Variants in DMD observed in about 807,000 individuals in gnomAD.
DMD encodes dystrophin.
In DMD, 63 loss-of-function variants were observed where a neutral mutation model predicts 330.1. That is an observed-to-expected ratio of 0.19 (90% CI 0.16 to 0.24). DMD has a LOEUF of 0.24. Ranked by LOEUF, DMD falls within the 10% of genes least tolerant of loss-of-function variation. The pLI, the probability that DMD is intolerant of heterozygous loss-of-function variation, is 1.00. For synonymous variants in DMD, 1,223 were observed against 959.8 expected (o/e 1.27, Z -5.07); for missense variants, 3,344 against 2,684.1 (o/e 1.25, Z -5.43).
intron 44 of DMD, among the ~76,000 whole-genome samples, chrX:32,027,820 T>C (rs1442966490): frequency 8.9e-6 from 1 of 112,544 alleles, no homozygotes; most frequent in Non-Finnish European, 1.9e-5. Context: ...AAAGAGCACA[T>C]CAGACCATTC....
intron 42 of DMD, among the ~76,000 whole-genome samples, chrX:32,290,460 A>G (rs927717598): frequency 8.9e-6 from 1 of 112,571 alleles, no homozygotes; most frequent in Non-Finnish European, 1.9e-5. Flanking sequence ...TGTTGAATAA[A>G]TGAATAGATG....
At chrX:31,734,852 A>G (rs1317124678) in intron 51 of DMD, among the ~76,000 whole-genome samples, 2 of 112,013 alleles carry the variant, frequency 1.8e-5, no homozygotes, top group African/African-American at 6.5e-5. Flanking sequence ...TTCTGAAGGA[A>G]TCAAGCTTAA....
At position 32,394,926 on chromosome X, in the gene DMD, A is replaced by AAAACAAAC. The variant is rs1557326887; in HGVS notation, c.4234-4746_4234-4745insGTTTGTTT. On this transcript the variant is annotated intron_variant, in intron 30 of 78. Transcript: ENST00000357033. ...CAAAAAACAAAAAAACAAAAAAAAA[A>AAAACAAAC]AAAAAAAGAAAAGAAATCATCATCA... Among the ~76,000 whole-genome samples, 450 of 101,372 alleles carry AAAACAAAC rather than the reference A, an allele frequency of 4.4e-3. 5 individuals carry two copies. Among genetic ancestry groups the AAAACAAAC allele is most frequent in the African/African-American group, 0.015 (423 of 28,518 alleles). The allele number at this position is 101,372 out of a possible 115,157, so 88.0% of individuals were successfully genotyped here.
At chrX:31,343,616 TGTGAGA>T (rs774494906) in intron 61 of DMD, among the ~76,000 whole-genome samples, 271 of 92,084 alleles carry the variant, frequency 2.9e-3, no homozygotes, top group Admixed American at 4.8e-3. Context: ...TGTGTGTGTG[TGTGAGA>T]GAGAGAGAGA....
rs200206961 is a variant in DMD, at chrX:33,230,965, A to AT, written c.7+108293_7+108294insA. Reference sequence around the variant, plus strand: ...GTTAGGAACATAATAGCCAAAAAAAAAAAAAAATAAATAACAGTTGGAATC... The same window carrying AT: ...GTTAGGAACATAATAGCCAAAAAAAATAAAAAAATAAATAACAGTTGGAATC... On this transcript the variant is annotated intron_variant, in intron 1 of 17. Transcript: ENST00000288447. 7.9e-3 allele frequency among the ~76,000 whole-genome samples: 821 copies of AT among 104,121 alleles called. 10 individuals are homozygous for AT. The highest frequency in any genetic ancestry group is 0.032 in the African/African-American group (785 of 24,247). The allele number at this position is 104,121 out of a possible 115,157, so 90.4% of individuals were successfully genotyped here.
chrX:33,182,949 A>G (rs569209354), intron 1 of DMD, among the ~76,000 whole-genome samples: 3 of 112,232 alleles, frequency 2.7e-5, no homozygotes, highest in East Asian at 5.6e-4. Context: ...AAAATTAAGA[A>G]TGAGTTTTTC....
chrX:33,272,453 A>T (rs113056553), intron 1 of DMD, among the ~76,000 whole-genome samples: 3,504 of 111,970 alleles, frequency 0.031, 130 homozygotes, highest in African/African-American at 0.11. Context: ...TAAAGAACAA[A>T]AAGGACGAAA....
In DMD at chrX:31,369,135, T is replaced by C. The variant is rs553823367; in HGVS notation, c.9085-20501A>G. On this transcript the variant is annotated intron_variant, in intron 60 of 78. Transcript: ENST00000357033. ...TATTTAAGACCCTCTTTGTCATCAATAAATGTTCATGGAAATTCAGGCACT... is the reference window on the plus strand; with the variant it reads ...TATTTAAGACCCTCTTTGTCATCAACAAATGTTCATGGAAATTCAGGCACT... Among the ~76,000 whole-genome samples, 114 of 112,538 alleles carry C rather than the reference T, an allele frequency of 1.0e-3. 2 individuals are homozygous for C. Among genetic ancestry groups the C allele is most frequent in the African/African-American group, 3.5e-3 (108 of 30,999 alleles).
At chrX:31,386,482 CTTCCCCTT>C (rs2060452410) in intron 60 of DMD, among the ~76,000 whole-genome samples, 2 of 111,920 alleles carry the variant, frequency 1.8e-5, no homozygotes, top group African/African-American at 6.5e-5. Context: ...CAGAAAATGC[CTTCCCCTT>C]TGGGTTCTGT....
chrX:32,902,158 A>AACACACACACACACAC (rs774414536), intron 2 of DMD, among the ~76,000 whole-genome samples: 6 of 86,645 alleles, frequency 6.9e-5, no homozygotes, highest in South Asian at 6.3e-4. Flanking sequence ...CACACACACA[A>AACACACACACACACAC]ACACACACAC....
At chrX:31,512,677 C>T (rs1246624128) in intron 55 of DMD, among the ~76,000 whole-genome samples, 57 of 111,263 alleles carry the variant, frequency 5.1e-4, no homozygotes, top group Non-Finnish European at 5.7e-5. Context: ...GGGCTCTGTT[C>T]TGTTCCACTG....
intron 55 of DMD, among the ~76,000 whole-genome samples, chrX:31,571,254 G>GGGGTGTGTGTGTGTGT (rs1391973551): frequency 1.1e-5 from 1 of 90,445 alleles, no homozygotes; most frequent in Non-Finnish European, 2.1e-5. Flanking sequence ...GATTTAAAGG[G>GGGGTGTGTGTGTGTGT]GTGTGTGTGT....
At chrX:32,141,950 G>T (rs1795579) in intron 44 of DMD, among the ~76,000 whole-genome samples, 29,013 of 110,447 alleles carry the variant, frequency 0.26, 3,529 homozygotes, top group Non-Finnish European at 0.37. Flanking sequence ...AGACATTGAG[G>T]GCTCACTATA....
rs191084674 is a variant in DMD at position 31,941,161 on chromosome X, C to T, written c.6615-8934G>A. Among the ~76,000 whole-genome samples the T allele has an allele frequency of 2.5e-4, 28 of 111,872 alleles. No individual in the cohort carries two copies. In the East Asian group the frequency reaches 4.8e-3, roughly 19 times the overall value. ...GGGAAAATCTGAGGATGCTTTGGAT[C>T]TTCATCTGTCAGAGGCAGAGTTACA... On this transcript the variant is annotated intron_variant, in intron 45 of 78. Transcript: ENST00000357033.
At chrX:33,018,825 A>G (rs1333851615) in intron 2 of DMD, among the ~76,000 whole-genome samples, 2 of 111,473 alleles carry the variant, frequency 1.8e-5, no homozygotes, top group African/African-American at 6.5e-5. Flanking sequence ...TAACTTTCCT[A>G]AATATCCTAG....
chrX:32,468,354 A>G, intron 23 of DMD, 144 bp downstream of exon 23: 2 of 513,683 alleles, frequency 3.9e-6, no homozygotes, highest in East Asian at 3.7e-5. Flanking sequence ...CATCCTTTGT[A>G]AAAGACTCAT....
Position 33,010,053 on chromosome X carries a change from TATAC to T in DMD, c.93+10082_93+10085del, listed in dbSNP as rs1292426146. On this transcript the variant is annotated intron_variant, in intron 2 of 78. Coordinates refer to ENST00000357033, the MANE Select transcript of DMD (RefSeq NM_004006.3). ...ACATGTGTATATACACATGTGTATATATACGTGTATATATACACAAATGTGCACA... is the reference window on the plus strand; with the variant it reads ...ACATGTGTATATACACATGTGTATATGTGTATATATACACAAATGTGCACA... 4.5e-4 allele frequency among the ~76,000 whole-genome samples: 42 copies of T among 92,599 alleles called. 4 individuals carry two copies. The East Asian group carries it at 0.014, about 30-fold the overall frequency. 80.4% of individuals were successfully genotyped at this position (92,599 alleles called of 115,157 possible).
intron 43 of DMD, among the ~76,000 whole-genome samples, chrX:32,233,448 T>C (rs1222818118): frequency 9.0e-6 from 1 of 110,705 alleles, no homozygotes; most frequent in Non-Finnish European, 1.9e-5. Context: ...AGTTTTTGAG[T>C]TCATTTATGC....
intron 1 of DMD, among the ~76,000 whole-genome samples, chrX:33,330,095 C>G (rs181120892): frequency 1.9e-4 from 21 of 110,078 alleles, no homozygotes; most frequent in Admixed American, 1.9e-3. Flanking sequence ...ATATGCATAT[C>G]TATATATGTC....
Sources: gnomAD v4.1 joint callset for allele counts (sites outside exome capture counted in the v4.1 genomes callset) on GRCh38, gnomAD v4.1.1 for gene constraint, MANE v1.5 for transcripts, NCBI Gene and HGNC (gene_info 2026-07-23, HGNC 2026-07-21) for gene names.